Variants in LATS2 observed in about 807,000 individuals in gnomAD.
LATS2 encodes the protein large tumor suppressor kinase 2, also known as serine/threonine-protein kinase LATS2.
LATS2 carries 24 observed loss-of-function variants against 76.0 expected under a neutral mutation model. That is an observed-to-expected ratio of 0.32 (90% CI 0.23 to 0.44). The LOEUF (loss-of-function observed/expected upper bound fraction) is 0.44, where lower values mean the gene tolerates loss of function less well. Among genes scored for constraint, LATS2 ranks in the 20% least tolerant of loss-of-function variants. The pLI, the probability that LATS2 is intolerant of heterozygous loss-of-function variation, is 1.00. For synonymous variants in LATS2, 692 were observed against 635.4 expected (o/e 1.09, Z -1.34); for missense variants, 1,286 against 1,481.2 (o/e 0.87, Z 2.16).
In LATS2 at chr13:21,043,435, T is replaced by C. The variant is rs138556045; in HGVS notation, c.342+2250A>G. On this transcript the variant is annotated intron_variant, in intron 2 of 7. Transcript: ENST00000382592. Reference sequence around the variant, plus strand: ...TACGGTTATCTTTTTCTCTTATTATTTGGGTTCACATAATGACTTTCCTAC... The same window carrying C: ...TACGGTTATCTTTTTCTCTTATTATCTGGGTTCACATAATGACTTTCCTAC... 2.2e-3 allele frequency among the ~76,000 whole-genome samples: 332 copies of C among 152,328 alleles called. 1 individual carries two copies. The highest frequency in any genetic ancestry group is 7.6e-3 in the African/African-American group (317 of 41,562).
At chr13:21,030,153 C>G in intron 2 of LATS2, among the ~76,000 whole-genome samples, 1 of 151,244 alleles carries the variant, frequency 6.6e-6, no homozygotes, top group African/African-American at 2.4e-5. Flanking sequence ...AAATCCACCC[C>G]CATGGTCTAA....
chr13:20,983,465 G>A lies in LATS2; in HGVS notation c.2241C>T (p.Tyr747=), dbSNP rs1003711848. The part of the protein sequence containing the change: ...DKDSLYFVMD[Y]IPGGDMMSLL... ...GGCTCATCATGTCCCCACCAGGGAT[G>A]TAGTCCATCACAAAGTACAGGCTGT... Residue 747 remains tyrosine, a synonymous_variant, in exon 5 of 8, where the codon TAC becomes TAT. Transcript: ENST00000382592. The A allele has an allele frequency of 3.1e-6, 5 of 1,614,038 alleles. No individual in the cohort carries two copies. Among genetic ancestry groups the A allele is most frequent in the Non-Finnish European group, 4.2e-6 (5 of 1,180,038 alleles).
intron 1 of LATS2, among the ~76,000 whole-genome samples, chr13:21,052,641 C>T (rs1227860940): frequency 6.6e-6 from 1 of 152,182 alleles, no homozygotes; most frequent in Non-Finnish European, 1.5e-5. Flanking sequence ...CGCGGGCTAC[C>T]ATGCCCAGCC....
At chr13:21,008,303 T>A (rs2138336397) in intron 2 of LATS2, among the ~76,000 whole-genome samples, 1 of 151,822 alleles carries the variant, frequency 6.6e-6, no homozygotes, top group East Asian at 2.0e-4. Flanking sequence ...CCTCTTTGGC[T>A]CTTGCTGCTC....
chr13:20,987,839 G>T, intron 4 of LATS2, 42 bp downstream of exon 4: 1 of 1,588,344 alleles, frequency 6.3e-7, no homozygotes, highest in Non-Finnish European at 8.6e-7. Context: ...CCAGTAGAGG[G>T]ATGAGCCGGG....
intron 2 of LATS2, among the ~76,000 whole-genome samples, chr13:21,028,483 T>C (rs996723533): frequency 3.3e-5 from 5 of 152,240 alleles, no homozygotes; most frequent in African/African-American, 1.2e-4. Context: ...CAGCAATGCT[T>C]TGCAGTTTTA....
intron 1 of LATS2, among the ~76,000 whole-genome samples, chr13:21,056,898 G>A (rs1873465118): frequency 6.6e-6 from 1 of 152,212 alleles, no homozygotes; most frequent in Non-Finnish European, 1.5e-5. Flanking sequence ...TATTCTTGGA[G>A]CCTGGAACTT....
chr13:21,004,421 C>G (rs977421998), intron 2 of LATS2, among the ~76,000 whole-genome samples: 1 of 136,492 alleles, frequency 7.3e-6, no homozygotes, highest in Non-Finnish European at 1.5e-5. Context: ...GCAACAAGAG[C>G]GAAACACTGT....
At chr13:20,983,903 T>C in intron 4 of LATS2, 97 bp from the exon 5 acceptor site, 1 of 888,356 alleles carries the variant, frequency 1.1e-6, no homozygotes, top group Non-Finnish European at 1.7e-6. Context: ...GAGAGGAACC[T>C]AGCTCATTTT....
intron 2 of LATS2, among the ~76,000 whole-genome samples, chr13:21,031,945 T>C (rs1188638179): frequency 1.3e-5 from 2 of 152,236 alleles, no homozygotes; most frequent in African/African-American, 4.8e-5. Flanking sequence ...ATATTTGTAA[T>C]AGCTTTTTAA....
intron 1 of LATS2, among the ~76,000 whole-genome samples, chr13:21,056,126 T>A (rs1406329212): frequency 6.6e-6 from 1 of 152,180 alleles, no homozygotes; most frequent in Admixed American, 6.5e-5. Flanking sequence ...CTCACCTAGG[T>A]AGAATTGGGT....
At position 20,974,654 on chromosome 13, in the gene LATS2, TGAAGG is replaced by T; in HGVS notation, c.*211_*215del. ...TTTCAAAAATATTGTTTTAATGCAG[TGAAGG>T]TCCTGAAAAGCCTATTGAAAGCGAT... is the stretch of plus-strand genomic sequence containing the variant. On this transcript the variant is annotated 3_prime_UTR_variant, in exon 8 of 8. Transcript: ENST00000382592. The T allele has an allele frequency of 1.8e-6, 1 of 546,648 alleles. No individual in the cohort carries two copies. The highest frequency in any genetic ancestry group is 3.2e-6 in the Non-Finnish European group (1 of 313,008). The allele number at this position is 546,648 out of a possible 1,614,324, so 33.9% of individuals were successfully genotyped here.
Position 21,007,531 on chromosome 13 carries a change from GATATATATATATAGTATATATATATATAT to G in LATS2, c.343-16156_343-16128del, listed in dbSNP as rs1256447117. Reference sequence around the variant, plus strand: ...AAGGAGTAGTTAGTCGTAGGGGATGGATATATATATATAGTATATATATATATATATATATATATATATATATATATATA... The same window carrying G: ...AAGGAGTAGTTAGTCGTAGGGGATGGATATATATATATATATATATATATA... On this transcript the variant is annotated intron_variant, in intron 2 of 7. Transcript: ENST00000382592. Among the ~76,000 whole-genome samples, 82 of 15,486 alleles carry G rather than the reference GATATATATATATAGTATATATATATATAT, an allele frequency of 5.3e-3. 11 individuals are homozygous for G. Among genetic ancestry groups the G allele is most frequent in the African/African-American group, 0.031 (73 of 2,330 alleles). 10.2% of individuals were successfully genotyped at this position (15,486 alleles called of 152,430 possible). A position where few individuals can be genotyped will look rare whatever the true frequency, so the allele number is the denominator to read the frequency against.
At position 21,001,873 on chromosome 13, in the gene LATS2, C is replaced by T. The variant is rs141579593; in HGVS notation, c.343-10469G>A. 5.5e-3 allele frequency among the ~76,000 whole-genome samples: 829 copies of T among 151,032 alleles called. 7 individuals carry two copies. The highest frequency in any genetic ancestry group is 0.019 in the African/African-American group (798 of 41,178). Reference sequence around the variant, plus strand: ...CAGCCTGGGCGACAGAGTGAGACTCCGTCTCAAAAAAATAGTAATAATAAA... The same window carrying T: ...CAGCCTGGGCGACAGAGTGAGACTCTGTCTCAAAAAAATAGTAATAATAAA... On this transcript the variant is annotated intron_variant, in intron 2 of 7. Coordinates refer to ENST00000382592, the MANE Select transcript of LATS2 (RefSeq NM_014572.3).
At chr13:21,033,146 C>T (rs891716839) in intron 2 of LATS2, among the ~76,000 whole-genome samples, 3 of 151,822 alleles carry the variant, frequency 2.0e-5, no homozygotes, top group East Asian at 1.9e-4. Context: ...AGCAGGCCAC[C>T]GGAGAAAGTA....
In LATS2 at chr13:21,047,806, T is replaced by C. The variant is rs73443398; in HGVS notation, c.-204-1576A>G. The stretch of plus-strand genomic sequence containing the variant: ...AGATCTATTGCACAACCATATGCAA[T>C]AGCAAACACTAAGAGATGACATTTG... On this transcript the variant is annotated intron_variant, in intron 1 of 7. Coordinates refer to ENST00000382592, the MANE Select transcript of LATS2 (RefSeq NM_014572.3). 5.7e-3 allele frequency among the ~76,000 whole-genome samples: 870 copies of C among 152,218 alleles called. 10 individuals are homozygous for C. The highest frequency in any genetic ancestry group is 0.02 in the African/African-American group (812 of 41,536).
At chr13:21,050,503 A>T (rs138867239) in intron 1 of LATS2, among the ~76,000 whole-genome samples, 1 of 152,188 alleles carries the variant, frequency 6.6e-6, no homozygotes. Flanking sequence ...TTTCAACACT[A>T]TATTTGCAGA....
chr13:21,013,406 T>C (rs1045324845), intron 2 of LATS2, among the ~76,000 whole-genome samples: 3 of 152,148 alleles, frequency 2.0e-5, no homozygotes, highest in African/African-American at 7.2e-5. Context: ...CTTATAAAAG[T>C]AAAAATTAGT....
At chr13:21,026,455 T>C (rs1872314635) in intron 2 of LATS2, among the ~76,000 whole-genome samples, 1 of 152,242 alleles carries the variant, frequency 6.6e-6, no homozygotes, top group Admixed American at 6.5e-5. Context: ...GGTTTCTTTG[T>C]TTTGGTTGGT....
Sources: gnomAD v4.1 joint callset for allele counts (sites outside exome capture counted in the v4.1 genomes callset) on GRCh38, gnomAD v4.1.1 for gene constraint, MANE v1.5 for transcripts, NCBI Gene and HGNC (gene_info 2026-07-23, HGNC 2026-07-21) for gene names.